The following PAX9 variants were observed in gnomAD, a reference collection of about 807,000 sequenced individuals.
The protein encoded by PAX9 is paired box 9, also known as paired box protein Pax-9.
PAX9 carries 6 observed loss-of-function variants against 29.1 expected under a neutral mutation model. The ratio of observed to expected loss-of-function variants is 0.21; its 90% confidence interval spans 0.11 to 0.41. The LOEUF is 0.41. Among genes scored for constraint, PAX9 ranks in the 10% least tolerant of loss-of-function variants. The pLI is 1.00. For missense variants in PAX9, 443 were observed against 479.1 expected (o/e 0.92, Z 0.70); for synonymous variants, 217 against 211.7 (o/e 1.03, Z -0.22).
At chr14:36,662,813 C>G in intron 1 of PAX9, 84 bp from the exon 2 acceptor site, 1 of 1,532,880 alleles carries the variant, frequency 6.5e-7, no homozygotes, top group Non-Finnish European at 8.9e-7. Flanking sequence ...CGCCCAGTCC[C>G]CGGATGCGTA....
chr14:36,661,691 A>T, upstream of PAX9: 1 of 305,084 alleles, frequency 3.3e-6, no homozygotes, highest in Non-Finnish European at 6.1e-6. Context: ...TTTTCATTGT[A>T]TTTAGTCACC....
At chr14:36,657,872 T>C (rs1455728430), upstream of PAX9, 2 of 152,262 alleles carry the variant, frequency 1.3e-5, no homozygotes, top group Non-Finnish European at 2.9e-5. Context: ...GGCTAGCGCG[T>C]CCGCAGTCCC....
chr14:36,675,041 G>A (rs1487264802), intron 3 of PAX9, among the ~76,000 whole-genome samples: 1 of 152,156 alleles, frequency 6.6e-6, no homozygotes, highest in African/African-American at 2.4e-5. Flanking sequence ...ACGGGAAAAA[G>A]TACCTAGCTA....
At chr14:36,668,582 T>C (rs980504621) in intron 3 of PAX9, among the ~76,000 whole-genome samples, 8 of 152,050 alleles carry the variant, frequency 5.3e-5, no homozygotes, top group Non-Finnish European at 1.0e-4. Context: ...AGAGAGAGGG[T>C]TTCACCATGT....
intron 3 of PAX9, among the ~76,000 whole-genome samples, chr14:36,670,062 T>G (rs917831332): frequency 1.3e-5 from 2 of 152,086 alleles, no homozygotes; most frequent in African/African-American, 4.8e-5. Flanking sequence ...TGGAATACAT[T>G]TGCCCTTTTA....
Position 36,678,421 on chromosome 14 carries a change from A to G in PAX9, c.*1969A>G. 2.3e-6 allele frequency: 3 copies of G among 1,313,992 alleles called. No homozygotes were observed. The highest frequency in any genetic ancestry group is 1.5e-5 in the African/African-American group (1 of 68,582). 81.4% of individuals were successfully genotyped at this position (1,313,992 alleles called of 1,614,324 possible). ...AAGAATAAGCAGAAGGAGCAGATGA[A>G]CTCTCAGGGCCATAGTCTTCCTTTG... On this transcript the variant is annotated 3_prime_UTR_variant, in exon 4 of 4. Coordinates refer to ENST00000361487, the MANE Select transcript of PAX9 (RefSeq NM_001372076.1).
upstream of PAX9, among the ~76,000 whole-genome samples, chr14:36,659,160 G>A (rs142231823): frequency 1.9e-3 from 291 of 152,296 alleles, 1 homozygote; most frequent in African/African-American, 6.6e-3. Flanking sequence ...TCTCCTTTTA[G>A]TCGAAATTCT....
Position 36,676,489 on chromosome 14 carries a change from C to A in PAX9, c.*37C>A. On this transcript the variant is annotated 3_prime_UTR_variant, in exon 4 of 4. Transcript: ENST00000361487. ...GTCTCCAGCAGCTTCACCCGGGTCT[C>A]CCTGTCTCAGCACCTCCTCCCCCAA... 6.2e-7 allele frequency: 1 copy of A among 1,605,750 alleles called. No individual in the cohort carries two copies. The highest frequency in any genetic ancestry group is 1.1e-5 in the South Asian group (1 of 90,934).
At position 36,678,665 on chromosome 14, in the gene PAX9, T is replaced by C. The variant is rs115723019; in HGVS notation, c.*2213T>C. On this transcript the variant is annotated 3_prime_UTR_variant, in exon 4 of 4. Coordinates refer to ENST00000361487, the MANE Select transcript of PAX9 (RefSeq NM_001372076.1). ...GCTGTTAGGGGGCTTTAAAAAATAT[T>C]ACTTGCTTGTGTGGAAATGCAAATA... 1,269 of 1,253,254 alleles carry C rather than the reference T, an allele frequency of 1.0e-3. 8 individuals carry two copies. The African/African-American group carries it at 0.017, about 17-fold the overall frequency. The allele number at this position is 1,253,254 out of a possible 1,614,324, so 77.6% of individuals were successfully genotyped here.
At chr14:36,665,167 GAAAAAAAAA>G (rs67344124) in intron 2 of PAX9, among the ~76,000 whole-genome samples, 1 of 87,818 alleles carries the variant, frequency 1.1e-5, no homozygotes, top group Non-Finnish European at 2.2e-5. Flanking sequence ...GAGACATAGT[GAAAAAAAAA>G]AAAAAAAAAA....
intron 3 of PAX9, among the ~76,000 whole-genome samples, chr14:36,672,563 T>C (rs945457089): frequency 2.6e-5 from 4 of 152,122 alleles, no homozygotes; most frequent in Admixed American, 6.6e-5. Flanking sequence ...GATGTGTTTA[T>C]TGAGTCACTA....
intron 3 of PAX9, among the ~76,000 whole-genome samples, chr14:36,669,614 A>G: frequency 6.6e-6 from 1 of 152,174 alleles, no homozygotes; most frequent in East Asian, 1.9e-4. Context: ...CCAAAGGGCT[A>G]AACTATGCAA....
chr14:36,678,988 T>G lies in PAX9; in HGVS notation c.*2536T>G, dbSNP rs919119033. ...GGTTAATGTTGACATATTTCCTCTA[T>G]CTCATAGATGGTAAAAGTGTTGCTT... On this transcript the variant is annotated 3_prime_UTR_variant, in exon 4 of 4. Coordinates refer to ENST00000361487, the MANE Select transcript of PAX9 (RefSeq NM_001372076.1). 8 of 976,990 alleles carry G rather than the reference T, an allele frequency of 8.2e-6. No homozygotes were observed. Among genetic ancestry groups the G allele is most frequent in the South Asian group, 4.8e-5 (1 of 20,882 alleles). 60.5% of individuals were successfully genotyped at this position (976,990 alleles called of 1,614,324 possible).
chr14:36,670,424 G>A (rs925458498), intron 3 of PAX9, among the ~76,000 whole-genome samples: 2 of 148,126 alleles, frequency 1.4e-5, no homozygotes, highest in Non-Finnish European at 2.9e-5. Context: ...ACTTGCACAT[G>A]CATTTGAAGT....
At chr14:36,658,416 A>C (rs1881121020), upstream of PAX9, 1 of 150,382 alleles carries the variant, frequency 6.6e-6, no homozygotes, top group Non-Finnish European at 1.5e-5. Flanking sequence ...AAGTTGGAGG[A>C]ATCAGCTCCT....
Position 36,676,462 on chromosome 14 carries a change from C to A in PAX9, c.*10C>A, listed in dbSNP as rs1255473754. ...GGCTTCCGCGCTCTGATGGGAAATT[C>A]CGTCTCCAGCAGCTTCACCCGGGTC... On this transcript the variant is annotated 3_prime_UTR_variant, in exon 4 of 4. Transcript: ENST00000361487. 4 of 1,611,108 alleles carry A rather than the reference C, an allele frequency of 2.5e-6. No individual in the cohort carries two copies. Among genetic ancestry groups the A allele is most frequent in the Non-Finnish European group, 3.4e-6 (4 of 1,179,996 alleles).
Position 36,676,530 on chromosome 14 carries a change from TC to T in PAX9, c.*81del. The T allele has an allele frequency of 6.6e-7, 1 of 1,523,966 alleles. No homozygotes were observed. The highest frequency in any genetic ancestry group is 1.1e-5 in the South Asian group (1 of 87,470). 94.4% of individuals were successfully genotyped at this position (1,523,966 alleles called of 1,614,324 possible). On this transcript the variant is annotated 3_prime_UTR_variant, in exon 4 of 4. Transcript: ENST00000361487. ...CCTCCCCCAATTCCCAGGTCTCACA[TC>T]CCACCCCTCCTGCCCTCCAACCCTT...
upstream of PAX9, chr14:36,661,789 C>G (rs1051751949): frequency 3.9e-6 from 2 of 512,438 alleles, no homozygotes; most frequent in African/African-American, 2.0e-5. Context: ...CACCATGCAG[C>G]TTGCCCTCGG....
At position 36,676,630 on chromosome 14, in the gene PAX9, T is replaced by C. The variant is rs1028631915; in HGVS notation, c.*178T>C. 2.0e-5 allele frequency: 14 copies of C among 710,650 alleles called. No individual in the cohort carries two copies. The highest frequency in any genetic ancestry group is 3.1e-5 in the Non-Finnish European group (13 of 421,478). The allele number at this position is 710,650 out of a possible 1,614,324, so 44.0% of individuals were successfully genotyped here. On this transcript the variant is annotated 3_prime_UTR_variant, in exon 4 of 4. Coordinates refer to ENST00000361487, the MANE Select transcript of PAX9 (RefSeq NM_001372076.1). ...ACTTACATATTTCTTGCCATAACTT[T>C]TCTCTTGCAGAAAAACTGACATGAC... is the stretch of plus-strand genomic sequence containing the variant.
Sources: allele counts gnomAD v4.1 joint callset (sites outside exome capture counted in the v4.1 genomes callset), GRCh38; gene constraint gnomAD v4.1.1; transcripts MANE v1.5; gene names NCBI Gene and HGNC (gene_info 2026-07-23, HGNC 2026-07-21).